Variants in LIMCH1 observed in about 807,000 individuals in gnomAD.
LIMCH1 encodes the protein LIM and calponin homology domains-containing protein 1.
Under a neutral mutation model 176.5 loss-of-function variants are expected in LIMCH1, and 113 were observed. The observed-to-expected ratio is 0.64, with a 90% CI of 0.55 to 0.75. The LOEUF (loss-of-function observed/expected upper bound fraction) is 0.75, where lower values mean the gene tolerates loss of function less well. Ranked by LOEUF, LIMCH1 falls within the 30% of genes least tolerant of loss-of-function variation. LIMCH1 has a pLI of 0.00. For synonymous variants in LIMCH1, 619 were observed against 645.9 expected, an observed-to-expected ratio of 0.96 and a Z score of 0.63; for missense variants, 1,674 against 1,814.9, an observed-to-expected ratio of 0.92 and a Z score of 1.41.
intron 8 of LIMCH1, among the ~76,000 whole-genome samples, chr4:41,628,956 A>G (rs2093153086): frequency 6.6e-6 from 1 of 152,240 alleles, no homozygotes; most frequent in Non-Finnish European, 1.5e-5. Context: ...TCTGTTCAGA[A>G]TTGACTTAGA....
chr4:41,406,690 C>T (rs992606812), intron 1 of LIMCH1, among the ~76,000 whole-genome samples: 1 of 152,150 alleles, frequency 6.6e-6, no homozygotes, highest in Admixed American at 6.5e-5. Flanking sequence ...TACAGTGTCG[C>T]ACTGTAAAGA....
chr4:41,388,216 G>A (rs1208868035), intron 1 of LIMCH1, among the ~76,000 whole-genome samples: 1 of 152,164 alleles, frequency 6.6e-6, no homozygotes, highest in Non-Finnish European at 1.5e-5. Flanking sequence ...GTTCCTAGAA[G>A]CATTATTCAT....
chr4:41,595,855 G>A (rs1252854726), intron 1 of LIMCH1, among the ~76,000 whole-genome samples: 1 of 152,004 alleles, frequency 6.6e-6, no homozygotes, highest in East Asian at 1.9e-4. Context: ...CTCGAGACCA[G>A]CCTGGCCAAC....
chr4:41,652,055 A>G (rs2152950218), intron 18 of LIMCH1, among the ~76,000 whole-genome samples: 1 of 152,248 alleles, frequency 6.6e-6, no homozygotes, highest in Non-Finnish European at 1.5e-5. Context: ...ATTTGGGTTT[A>G]TATTATAGTT....
At chr4:41,458,025 C>CAGT (rs2064825870) in intron 1 of LIMCH1, among the ~76,000 whole-genome samples, 1 of 152,082 alleles carries the variant, frequency 6.6e-6, no homozygotes. Flanking sequence ...ATGACTAAAA[C>CAGT]AGTATAATTG....
chr4:41,618,545 A>G (rs2092316552), intron 5 of LIMCH1, among the ~76,000 whole-genome samples: 1 of 152,224 alleles, frequency 6.6e-6, no homozygotes, highest in Admixed American at 6.5e-5. Flanking sequence ...AGACAAGATC[A>G]TGGGGGCATA....
intron 1 of LIMCH1, among the ~76,000 whole-genome samples, chr4:41,579,404 C>T (rs947050266): frequency 6.6e-6 from 1 of 152,192 alleles, no homozygotes; most frequent in Non-Finnish European, 1.5e-5. Flanking sequence ...TTTTAACTCA[C>T]AATAGCTTGT....
At chr4:41,525,729 T>A (rs1583497506) in intron 3 of LIMCH1, among the ~76,000 whole-genome samples, 1 of 151,954 alleles carries the variant, frequency 6.6e-6, no homozygotes, top group South Asian at 2.1e-4. Flanking sequence ...AAATAAATAA[T>A]ATATAAGTAT....
intron 1 of LIMCH1, among the ~76,000 whole-genome samples, chr4:41,540,595 C>T (rs954504277): frequency 3.3e-5 from 5 of 151,988 alleles, no homozygotes; most frequent in African/African-American, 9.7e-5. Context: ...AAAAGTTAGC[C>T]GGGTGTGGTG....
intron 5 of LIMCH1, among the ~76,000 whole-genome samples, chr4:41,614,250 G>T (rs2091810386): frequency 6.6e-6 from 1 of 152,134 alleles, no homozygotes. Flanking sequence ...TCTGAAGCTG[G>T]GATTGATTTA....
intron 31 of LIMCH1, among the ~76,000 whole-genome samples, chr4:41,695,180 A>G (rs1160074911): frequency 6.6e-6 from 1 of 151,810 alleles, no homozygotes; most frequent in Non-Finnish European, 1.5e-5. Flanking sequence ...TTATTTTCAT[A>G]CAAAAGATTT....
At chr4:41,611,195 T>G (rs2091372075) in intron 4 of LIMCH1, among the ~76,000 whole-genome samples, 1 of 152,080 alleles carries the variant, frequency 6.6e-6, no homozygotes, top group Non-Finnish European at 1.5e-5. Flanking sequence ...GTGTTGCAGT[T>G]ACCTACAGTA....
At chr4:41,642,829 T>C (rs1311694042) in intron 14 of LIMCH1, among the ~76,000 whole-genome samples, 2 of 151,312 alleles carry the variant, frequency 1.3e-5, no homozygotes, top group Admixed American at 1.3e-4. Flanking sequence ...TCTGCCCACC[T>C]TGGCCTCCCA....
rs1294284253 is a variant in LIMCH1, at chr4:41,613,724, G to T, written c.205+63G>T. On this transcript the variant is annotated intron_variant, in intron 5 of 31. Transcript: ENST00000503057. Reference sequence around the variant, plus strand: ...TAAACATTTGCAGGGGCTGCATTGCGCCTGGCAGAGGGATGGGCACTGGGA... The same window carrying T: ...TAAACATTTGCAGGGGCTGCATTGCTCCTGGCAGAGGGATGGGCACTGGGA... The T allele has an allele frequency of 2.8e-6, 4 of 1,405,250 alleles. No homozygotes were observed. The East Asian group carries it at 9.2e-5, about 32-fold the overall frequency. The allele number at this position is 1,405,250 out of a possible 1,614,324, so 87.0% of individuals were successfully genotyped here. A position where few individuals can be genotyped will look rare whatever the true frequency, so the allele number is the denominator to read the frequency against.
Position 41,485,541 on chromosome 4 carries a change from TTC to T in LIMCH1, c.97-8993_97-8992del, listed in dbSNP as rs552037379. On this transcript the variant is annotated intron_variant, in intron 1 of 26. Coordinates refer to the LIMCH1 transcript ENST00000313860. ...GTGACATAATTGCCACCGTAAGTAC[TTC>T]TGAGGGTCCCCTTTAATGGAGATAT... Among the ~76,000 whole-genome samples, 24 of 152,328 alleles carry T rather than the reference TTC, an allele frequency of 1.6e-4. No homozygotes were observed. The South Asian group carries it at 4.8e-3, about 30-fold the overall frequency.
At chr4:41,390,879 T>C (rs1253579700) in intron 1 of LIMCH1, among the ~76,000 whole-genome samples, 4 of 152,236 alleles carry the variant, frequency 2.6e-5, no homozygotes, top group Non-Finnish European at 5.9e-5. Flanking sequence ...TACATTTTAT[T>C]GTCTGAAATA....
chr4:41,490,627 A>G (rs2070644962), intron 1 of LIMCH1, among the ~76,000 whole-genome samples: 1 of 152,260 alleles, frequency 6.6e-6, no homozygotes, highest in Non-Finnish European at 1.5e-5. Flanking sequence ...ATCCCAAGGC[A>G]GAATAATTTT....
In LIMCH1 at chr4:41,653,336, T is replaced by TAA. The variant is rs11288179; in HGVS notation, c.3036+2742_3036+2743dup. On this transcript the variant is annotated intron_variant, in intron 18 of 31. Transcript: ENST00000503057. ...TGTGTTACAGCCGGTATACTCCTGT[T>TAA]AAAAAAAAAAAAAAAGGAATTAATT... 2.9e-3 allele frequency among the ~76,000 whole-genome samples: 408 copies of TAA among 141,968 alleles called. 1 individual carries two copies. The highest frequency in any genetic ancestry group is 7.7e-3 in the African/African-American group (292 of 38,150). 93.1% of individuals were successfully genotyped at this position (141,968 alleles called of 152,430 possible). A position where few individuals can be genotyped will look rare whatever the true frequency, so the allele number is the denominator to read the frequency against.
intron 14 of LIMCH1, among the ~76,000 whole-genome samples, chr4:41,642,721 A>T (rs201567588): frequency 1.3e-4 from 12 of 91,582 alleles, no homozygotes; most frequent in Non-Finnish European, 1.9e-4. Flanking sequence ...AGCATGCCTA[A>T]TTTTTTTTCT....
Sources: allele counts gnomAD v4.1 joint callset (sites outside exome capture counted in the v4.1 genomes callset), GRCh38; gene constraint gnomAD v4.1.1; transcripts MANE v1.5; gene names NCBI Gene and HGNC (gene_info 2026-07-23, HGNC 2026-07-21).